Variants in CD247 observed in about 807,000 individuals in gnomAD.
The protein encoded by CD247 is T-cell surface glycoprotein CD3 zeta chain.
In CD247, 13 loss-of-function variants were observed where a neutral mutation model predicts 30.0. That is an observed-to-expected ratio of 0.43 (90% CI 0.28 to 0.69). The LOEUF is 0.69. Among genes scored for constraint, CD247 ranks in the 30% least tolerant of loss-of-function variants. The pLI, the probability that CD247 is intolerant of heterozygous loss-of-function variation, is 0.16. For synonymous variants in CD247, 72 were observed against 80.0 expected, an observed-to-expected ratio of 0.90 and a Z score of 0.53; for missense variants, 193 against 212.6, an observed-to-expected ratio of 0.91 and a Z score of 0.57.
At position 167,494,669 on chromosome 1, in the gene CD247, T is replaced by C. The variant is rs6670426; in HGVS notation, c.58+23739A>G. Among the ~76,000 whole-genome samples the C allele has an allele frequency of 0.17, 26,032 of 152,174 alleles. 2,800 individuals carry two copies. Among genetic ancestry groups the C allele is most frequent in the South Asian group, 0.34 (1,640 of 4,820 alleles). ...CTTTACACAGCCCATGTCTCTGGAT[T>C]GTTAAAAGGATCAAAAAAGATCATG... is the stretch of plus-strand genomic sequence containing the variant. On this transcript the variant is annotated intron_variant, in intron 1 of 7. Coordinates refer to ENST00000362089, the MANE Select transcript of CD247 (RefSeq NM_198053.3). The surrounding 1 kb of genome is among the most constrained non-coding windows in gnomAD (Gnocchi z 7.3).
At chr1:167,436,754 G>A (rs1651560588) in intron 4 of CD247, among the ~76,000 whole-genome samples, 2 of 152,126 alleles carry the variant, frequency 1.3e-5, no homozygotes, top group Non-Finnish European at 2.9e-5. Context: ...CCATTAGGGA[G>A]ATAAAAAGTA....
chr1:167,484,066 G>T (rs1218766327), intron 1 of CD247, among the ~76,000 whole-genome samples: 1 of 152,232 alleles, frequency 6.6e-6, no homozygotes, highest in African/African-American at 2.4e-5. Flanking sequence ...GGCCAGGCCG[G>T]GGGCCGTGGG....
chr1:167,512,219 A>G (rs1655414956), intron 1 of CD247, among the ~76,000 whole-genome samples: 1 of 152,058 alleles, frequency 6.6e-6, no homozygotes, highest in Non-Finnish European at 1.5e-5. Context: ...CCCCCAATAA[A>G]TCTGCAGCCG....
Position 167,494,253 on chromosome 1 carries a change from G to C in CD247, c.58+24155C>G, listed in dbSNP as rs1172927450. On this transcript the variant is annotated intron_variant, in intron 1 of 7. Coordinates refer to ENST00000362089, the MANE Select transcript of CD247 (RefSeq NM_198053.3). This position sits in a 1 kb window ranked among gnomAD's most constrained non-coding sequence, Gnocchi z 7.3. ...CTGTGTTGATGGCCATGATCAATTC[G>C]GATCCCCAGGGCCAGTTCAGCAAAA... is the stretch of plus-strand genomic sequence containing the variant. Among the ~76,000 whole-genome samples the C allele has an allele frequency of 1.3e-5, 2 of 152,148 alleles. No homozygotes were observed. Among genetic ancestry groups the C allele is most frequent in the Non-Finnish European group, 2.9e-5 (2 of 68,028 alleles).
chr1:167,459,954 G>A (rs1479899366), intron 1 of CD247: 1 of 152,094 alleles, frequency 6.6e-6, no homozygotes, highest in Non-Finnish European at 1.5e-5. Flanking sequence ...ACCATGCAGT[G>A]GGCAATCATA....
At chr1:167,500,155 C>G (rs1259413656) in intron 1 of CD247, among the ~76,000 whole-genome samples, 1 of 152,156 alleles carries the variant, frequency 6.6e-6, no homozygotes, top group African/African-American at 2.4e-5. Context: ...TACTCATGAC[C>G]TAAATGAGAT....
chr1:167,504,364 C>A (rs1203653478), intron 1 of CD247, among the ~76,000 whole-genome samples: 1 of 152,244 alleles, frequency 6.6e-6, no homozygotes, highest in East Asian at 1.9e-4. Flanking sequence ...AACTGTAATG[C>A]AGCCGCTGAC....
In CD247 at chr1:167,438,635, G is replaced by C. The variant is rs779397562; in HGVS notation, c.235C>G (p.Arg79Gly). 1 of 1,613,712 alleles carries C rather than the reference G, an allele frequency of 6.2e-7. No homozygotes were observed. Among genetic ancestry groups the C allele is most frequent in the Non-Finnish European group, 8.5e-7 (1 of 1,179,634 alleles). The change falls in exon 4 of 8, where the codon CGA (arginine) becomes GGA (glycine). Residue 79 changes from arginine to glycine, a missense_variant. By Grantham distance (125) the Arg-to-Gly change is moderately radical. Transcript: ENST00000362089. ...NQLYNELNLG[R>G]REEYDVLDKR... Reference sequence around the variant, plus strand: ...TCCAAAACATCGTACTCCTCTCTTCGTCCTAGATTGAGCTCCTATAACAGA... The same window carrying C: ...TCCAAAACATCGTACTCCTCTCTTCCTCCTAGATTGAGCTCCTATAACAGA...
intron 1 of CD247, among the ~76,000 whole-genome samples, chr1:167,474,606 T>G (rs1426136330): frequency 6.6e-6 from 1 of 152,106 alleles, no homozygotes; most frequent in Non-Finnish European, 1.5e-5. Flanking sequence ...ATGGGACACC[T>G]TGGCCCGCTG....
At chr1:167,502,433 A>G (rs992979731) in intron 1 of CD247, among the ~76,000 whole-genome samples, 1 of 152,202 alleles carries the variant, frequency 6.6e-6, no homozygotes, top group Admixed American at 6.5e-5. Flanking sequence ...AAGGTTCACA[A>G]TCTGTCTGTA....
chr1:167,483,910 G>C (rs1654083454), intron 1 of CD247, among the ~76,000 whole-genome samples: 1 of 152,258 alleles, frequency 6.6e-6, no homozygotes, highest in African/African-American at 2.4e-5. Flanking sequence ...GGAGGAACAG[G>C]AGAAATGGCT....
intron 1 of CD247, among the ~76,000 whole-genome samples, chr1:167,471,647 C>T (rs751376757): frequency 2.0e-5 from 3 of 152,024 alleles, no homozygotes; most frequent in Non-Finnish European, 2.9e-5. Context: ...CTGTCTCTCA[C>T]GCTGGAGTCC....
intron 1 of CD247, among the ~76,000 whole-genome samples, chr1:167,480,503 A>G (rs576478706): frequency 6.6e-6 from 1 of 152,300 alleles, no homozygotes; most frequent in South Asian, 2.1e-4. Flanking sequence ...CTTCCAGCTA[A>G]CAAGATCTCT....
rs35409869 is a variant in CD247 at position 167,494,380 on chromosome 1, G to T, written c.58+24028C>A. Among the ~76,000 whole-genome samples, 4 of 152,270 alleles carry T rather than the reference G, an allele frequency of 2.6e-5. No individual in the cohort carries two copies. The highest frequency in any genetic ancestry group is 9.6e-5 in the African/African-American group (4 of 41,544). On this transcript the variant is annotated intron_variant, in intron 1 of 7. Transcript: ENST00000362089. This position sits in a 1 kb window ranked among gnomAD's most constrained non-coding sequence, Gnocchi z 7.3. ...TAATTGGAACGTTCTAGAGACTGTT[G>T]GGTTGACTTGGATTTGGGGTCAATA...
At chr1:167,505,588 C>T (rs36108451) in intron 1 of CD247, among the ~76,000 whole-genome samples, 3,477 of 152,368 alleles carry the variant, frequency 0.023, 70 homozygotes, top group Middle Eastern at 0.031. Context: ...CCTCGCCCTC[C>T]GGCAGCCTGT....
chr1:167,508,916 T>C lies in CD247; in HGVS notation c.58+9492A>G, dbSNP rs1000360129. On this transcript the variant is annotated intron_variant, in intron 1 of 7. Coordinates refer to ENST00000362089, the MANE Select transcript of CD247 (RefSeq NM_198053.3). ...TTGTGCTTATGGGCTCTCAATCATTTAACCTTCATCTTCAAAACACTGGCC... is the reference window on the plus strand; with the variant it reads ...TTGTGCTTATGGGCTCTCAATCATTCAACCTTCATCTTCAAAACACTGGCC... Among the ~76,000 whole-genome samples the C allele has an allele frequency of 5.3e-5, 8 of 152,218 alleles. 1 individual carries two copies. Among genetic ancestry groups the C allele is most frequent in the African/African-American group, 1.9e-4 (8 of 41,440 alleles).
At position 167,518,491 on chromosome 1, in the gene CD247, T is replaced by A; in HGVS notation, c.-26A>T. On this transcript the variant is annotated 5_prime_UTR_variant, in exon 1 of 8. Coordinates refer to ENST00000362089, the MANE Select transcript of CD247 (RefSeq NM_198053.3). ...CTTGTCCTTTCCCTCAGAAAGAGGC[T>A]GGGAGGCAGAGGCTGAGGCAGCGGT... 6.2e-7 allele frequency: 1 copy of A among 1,611,824 alleles called. No individual in the cohort carries two copies. Among genetic ancestry groups the A allele is most frequent in the Non-Finnish European group, 8.5e-7 (1 of 1,178,382 alleles).
In CD247 at chr1:167,464,107, T is replaced by C. The variant is rs151047995; in HGVS notation, c.59-23340A>G. On this transcript the variant is annotated intron_variant, in intron 1 of 7. Coordinates refer to ENST00000362089, the MANE Select transcript of CD247 (RefSeq NM_198053.3). The stretch of plus-strand genomic sequence containing the variant: ...TGATTGCGCTAGTTTTACCATGGAA[T>C]GTGCCAGTTGTGGCTGGAAGTAATT... 1.2e-3 allele frequency among the ~76,000 whole-genome samples: 187 copies of C among 152,328 alleles called. 1 individual carries two copies. The highest frequency in any genetic ancestry group is 4.1e-3 in the African/African-American group (172 of 41,582).
At chr1:167,508,558 C>T (rs561645271) in intron 1 of CD247, among the ~76,000 whole-genome samples, 2 of 152,272 alleles carry the variant, frequency 1.3e-5, no homozygotes, top group Non-Finnish European at 1.5e-5. Context: ...CCAAAGAAAA[C>T]GGACAAGATT....
Sources: gnomAD v4.1 joint callset for allele counts (sites outside exome capture counted in the v4.1 genomes callset) on GRCh38, gnomAD v4.1.1 for gene constraint, Gnocchi (gnomAD v3.1) non-coding constraint, MANE v1.5 for transcripts, NCBI Gene and HGNC (gene_info 2026-07-23, HGNC 2026-07-21) for gene names.